The following TRPM6 variants were observed in gnomAD, a reference collection of about 807,000 sequenced individuals.
TRPM6 encodes the protein transient receptor potential cation channel subfamily M member 6, also known as channel kinase 2.
TRPM6 carries 111 observed loss-of-function variants against 247.6 expected under a neutral mutation model. The ratio of observed to expected loss-of-function variants is 0.45; its 90% confidence interval spans 0.38 to 0.52. The LOEUF (loss-of-function observed/expected upper bound fraction) is 0.52, where lower values mean the gene tolerates loss of function less well. TRPM6 is among the 20% of genes least tolerant of loss of function. The pLI, the probability that TRPM6 is intolerant of heterozygous loss-of-function variation, is 0.00. For synonymous variants in TRPM6, 892 were observed against 853.8 expected, an observed-to-expected ratio of 1.04 and a Z score of -0.78; for missense variants, 2,126 against 2,421.5, an observed-to-expected ratio of 0.88 and a Z score of 2.56.
chr9:74,814,868 G>A (rs189014880), intron 11 of TRPM6, among the ~76,000 whole-genome samples: 28 of 152,224 alleles, frequency 1.8e-4, no homozygotes, highest in Admixed American at 5.2e-4. Flanking sequence ...AGGATTGCTT[G>A]GTGTGGGAGG....
chr9:74,885,234 A>G (rs1183352341), intron 1 of TRPM6, among the ~76,000 whole-genome samples: 1 of 152,230 alleles, frequency 6.6e-6, no homozygotes, highest in Non-Finnish European at 1.5e-5. Flanking sequence ...AAATTATGAG[A>G]TAACTATATT....
chr9:74,877,316 C>T (rs1831223891), intron 1 of TRPM6, among the ~76,000 whole-genome samples: 2 of 152,126 alleles, frequency 1.3e-5, no homozygotes, highest in Admixed American at 1.3e-4. Context: ...GTAGAAACAA[C>T]ACAAATATCC....
chr9:74,791,451 G>A (rs1445026746), intron 19 of TRPM6, among the ~76,000 whole-genome samples: 3 of 151,966 alleles, frequency 2.0e-5, no homozygotes, highest in Non-Finnish European at 2.9e-5. Flanking sequence ...TAAATGCTAT[G>A]GGAGCACATG....
At chr9:74,780,833 A>G (rs980765641) in intron 23 of TRPM6, among the ~76,000 whole-genome samples, 1 of 152,088 alleles carries the variant, frequency 6.6e-6, no homozygotes, top group Non-Finnish European at 1.5e-5. Flanking sequence ...AGAAAAAGTA[A>G]GAAGGACTAC....
intron 19 of TRPM6, 30 bp downstream of exon 19, chr9:74,792,594 T>C (rs1827944204): frequency 6.2e-7 from 1 of 1,608,894 alleles, no homozygotes; most frequent in Non-Finnish European, 8.5e-7. Context: ...TCATCATTAA[T>C]CCGACATATA....
intron 31 of TRPM6, among the ~76,000 whole-genome samples, chr9:74,746,579 A>G (rs879764494): frequency 2.1e-4 from 32 of 152,222 alleles, no homozygotes; most frequent in Non-Finnish European, 3.4e-4. Context: ...AGCATTGAGG[A>G]AAAACTCAGG....
chr9:74,863,107 C>A (rs976747751), intron 1 of TRPM6, among the ~76,000 whole-genome samples: 12 of 151,846 alleles, frequency 7.9e-5, no homozygotes, highest in African/African-American at 2.9e-4. Flanking sequence ...AGTGCAATGG[C>A]ACGATCTCGG....
At chr9:74,750,991 T>A (rs1482382807) in intron 29 of TRPM6, among the ~76,000 whole-genome samples, 1 of 152,154 alleles carries the variant, frequency 6.6e-6, no homozygotes, top group East Asian at 1.9e-4. Context: ...ATATGAAATT[T>A]TTTACAGACT....
rs1477937710 is a variant in TRPM6, at chr9:74,820,394, G to A, written c.1044C>T (p.Ile348=). 1 of 1,613,994 alleles carries A rather than the reference G, an allele frequency of 6.2e-7. No homozygotes were observed. The highest frequency in any genetic ancestry group is 1.3e-5 in the African/African-American group (1 of 74,912). The change falls in exon 9 of 39, where the codon ATC becomes ATT. Residue 348 remains isoleucine, a synonymous_variant. Coordinates refer to ENST00000360774, the MANE Select transcript of TRPM6 (RefSeq NM_017662.5). The part of the protein sequence containing the change: ...MLRPQVKEEI[I]CMIQNTFNFS... ...AGTTGAAAGTGTTCTGAATCATGCA[G>A]ATGATCTCCTCTTTCACCTGAGGTC...
At chr9:74,835,808 T>C (rs145932534) in intron 5 of TRPM6, among the ~76,000 whole-genome samples, 45 of 152,098 alleles carry the variant, frequency 3.0e-4, no homozygotes, top group Non-Finnish European at 5.4e-4. Context: ...TTTTTTAGAG[T>C]AGTTTTGGGT....
intron 24 of TRPM6, among the ~76,000 whole-genome samples, chr9:74,773,729 A>G (rs1489452406): frequency 6.6e-6 from 1 of 152,240 alleles, no homozygotes; most frequent in African/African-American, 2.4e-5. Flanking sequence ...TTAAAATGCA[A>G]TTGTTACATT....
intron 38 of TRPM6, among the ~76,000 whole-genome samples, chr9:74,726,981 T>C (rs1041782018): frequency 2.0e-5 from 3 of 152,182 alleles, no homozygotes; most frequent in Non-Finnish European, 4.4e-5. Context: ...GTGAGAGTTA[T>C]GGCCCTCTGC....
chr9:74,839,791 C>T (rs1422569850), intron 5 of TRPM6, among the ~76,000 whole-genome samples: 1 of 149,762 alleles, frequency 6.7e-6, no homozygotes, highest in Admixed American at 6.7e-5. Flanking sequence ...TGCTACAGAG[C>T]AGAGATTATG....
chr9:74,887,264 G>A (rs2118566067), intron 1 of TRPM6: 1 of 1,334,816 alleles, frequency 7.5e-7, no homozygotes, highest in South Asian at 2.3e-5. Flanking sequence ...CGGGACTCCT[G>A]CACGGGGAAC....
chr9:74,808,181 C>G lies in TRPM6; in HGVS notation c.1498-7G>C. On this transcript the variant is annotated splice_region_variant and splice_polypyrimidine_tract_variant and intron_variant, in intron 13 of 38. Coordinates refer to ENST00000360774, the MANE Select transcript of TRPM6 (RefSeq NM_017662.5). ...AGCCTGAAAGAAGGGTATGCTGCAA[C>G]AAAAACATGCAACGACTTTTAACTT... 2 of 1,613,786 alleles carry G rather than the reference C, an allele frequency of 1.2e-6. No individual in the cohort carries two copies. Among genetic ancestry groups the G allele is most frequent in the Non-Finnish European group, 1.7e-6 (2 of 1,179,818 alleles).
intron 14 of TRPM6, chr9:74,804,787 G>T: frequency 1.5e-6 from 1 of 682,498 alleles, no homozygotes; most frequent in East Asian, 2.7e-5. Context: ...GCCCTTGCAC[G>T]GGCTCGTAAG....
At chr9:74,884,714 T>C (rs557620003) in intron 1 of TRPM6, among the ~76,000 whole-genome samples, 1 of 152,158 alleles carries the variant, frequency 6.6e-6, no homozygotes, top group Non-Finnish European at 1.5e-5. Flanking sequence ...AGTGACAAAG[T>C]TTTTAAGGGA....
At chr9:74,870,973 A>G (rs1831009508) in intron 1 of TRPM6, among the ~76,000 whole-genome samples, 1 of 152,082 alleles carries the variant, frequency 6.6e-6, no homozygotes, top group Admixed American at 6.6e-5. Flanking sequence ...GAAAAGAAAT[A>G]GGCATTCCAC....
At chr9:74,761,346 T>C (rs1684394189) in intron 27 of TRPM6, among the ~76,000 whole-genome samples, 1 of 152,172 alleles carries the variant, frequency 6.6e-6, no homozygotes, top group Non-Finnish European at 1.5e-5. Context: ...TAGCCAAAAA[T>C]TGAAAACAAC....
Sources: allele counts gnomAD v4.1 joint callset (sites outside exome capture counted in the v4.1 genomes callset), GRCh38; gene constraint gnomAD v4.1.1; transcripts MANE v1.5; gene names NCBI Gene and HGNC (gene_info 2026-07-23, HGNC 2026-07-21).